MCUR1: variants seen among roughly 807,000 people sequenced by gnomAD.
MCUR1 encodes mitochondrial calcium uniporter regulator 1, also known as MCU regulator 1.
In MCUR1, 37 loss-of-function variants were observed where a neutral mutation model predicts 42.0. That is an observed-to-expected ratio of 0.88 (90% confidence interval 0.68 to 1.16). The LOEUF is 1.16. MCUR1 is among the 50% of genes most tolerant of loss of function. MCUR1 has a pLI of 0.00. For synonymous variants in MCUR1, 229 were observed against 196.2 expected, an observed-to-expected ratio of 1.17 and a Z score of -1.40; for missense variants, 469 against 468.4, an observed-to-expected ratio of 1.00 and a Z score of -0.01.
At chr6:13,793,238 C>CA (rs1759774948) in intron 7 of MCUR1, among the ~76,000 whole-genome samples, 1 of 151,540 alleles carries the variant, frequency 6.6e-6, no homozygotes, top group South Asian at 2.1e-4. Context: ...TTGTGAAGTG[C>CA]AAAAAATCCT....
Position 13,814,288 on chromosome 6 carries a change from C to A in MCUR1, c.142G>T (p.Gly48Cys), listed in dbSNP as rs962598053. 3.3e-6 allele frequency: 5 copies of A among 1,497,612 alleles called. No homozygotes were observed. The highest frequency in any genetic ancestry group is 4.4e-6 in the Non-Finnish European group (5 of 1,129,802). 92.8% of individuals were successfully genotyped at this position (1,497,612 alleles called of 1,614,324 possible). ...GCGCGAGGGCGCAGCGCCCCCAGAC[C>A]GTCGGAGAGCGCAGAGAGGCAGCGG... ...ARRCLSALSD[G>C]LGALRPRAPA... The change falls in exon 1 of 9, where the codon GGT becomes TGT. Residue 48 changes from glycine to cysteine, a missense_variant. Gly to Cys is a radical substitution (Grantham distance 159). Transcript: ENST00000379170.
chr6:13,793,820 T>A, intron 7 of MCUR1, 74 bp downstream of exon 7: 1 of 1,323,716 alleles, frequency 7.6e-7, no homozygotes, highest in Non-Finnish European at 1.1e-6. Context: ...CCTATTATCA[T>A]TACAAACAAC....
chr6:13,801,482 G>A, intron 3 of MCUR1, 93 bp from the exon 4 acceptor site: 1 of 803,080 alleles, frequency 1.2e-6, no homozygotes, highest in Non-Finnish European at 2.0e-6. Context: ...TGAGAAACCA[G>A]GACAATGTGG....
In MCUR1 at chr6:13,814,145, C is replaced by T; in HGVS notation, c.285G>A (p.Ser95=). 1 of 1,307,678 alleles carries T rather than the reference C, an allele frequency of 7.6e-7. No homozygotes were observed. The highest frequency in any genetic ancestry group is 9.7e-7 in the Non-Finnish European group (1 of 1,034,176). 81.0% of individuals were successfully genotyped at this position (1,307,678 alleles called of 1,614,324 possible). ...CCGGGGGTGCGGCATACCCGAGGCGCGAGCGCTCCCAGTCCCCGAGCTGCC... is the reference window on the plus strand; with the variant it reads ...CCGGGGGTGCGGCATACCCGAGGCGTGAGCGCTCCCAGTCCCCGAGCTGCC... The part of the protein sequence containing the change: ...PRRQLGDWER[S]RLGYAAPPAG... Residue 95 remains serine (S), a synonymous_variant, in exon 1 of 9, where the codon TCG becomes TCA. Coordinates refer to ENST00000379170, the MANE Select transcript of MCUR1 (RefSeq NM_001031713.4).
intron 1 of MCUR1, among the ~76,000 whole-genome samples, chr6:13,810,480 T>C (rs1760209737): frequency 1.3e-5 from 2 of 152,184 alleles, no homozygotes; most frequent in Admixed American, 6.5e-5. Flanking sequence ...AGAAGTCTGG[T>C]AGGAGCAAGA....
Position 13,788,857 on chromosome 6 carries a change from C to A in MCUR1, c.*1952G>T, listed in dbSNP as rs1190921836. On this transcript the variant is annotated 3_prime_UTR_variant, in exon 9 of 9. Coordinates refer to ENST00000379170, the MANE Select transcript of MCUR1 (RefSeq NM_001031713.4). ...TTTCATACTATATGGAGCTCACAATCTTTGGACTACACAAACATTCTCTAA... is the reference window on the plus strand; with the variant it reads ...TTTCATACTATATGGAGCTCACAATATTTGGACTACACAAACATTCTCTAA... The A allele has an allele frequency of 6.6e-6, 1 of 152,218 alleles. No homozygotes were observed. The highest frequency in any genetic ancestry group is 1.5e-5 in the Non-Finnish European group (1 of 68,050). 9.4% of individuals were successfully genotyped at this position (152,218 alleles called of 1,614,324 possible).
intron 6 of MCUR1, 62 bp from the exon 7 acceptor site, chr6:13,794,009 G>A (rs1584982899): frequency 6.7e-7 from 1 of 1,500,716 alleles, no homozygotes; most frequent in East Asian, 2.3e-5. Context: ...TCCTTCTCTG[G>A]TGCCTTAAAT....
intron 5 of MCUR1, 53 bp from the exon 6 acceptor site, chr6:13,798,957 ACT>A: frequency 9.1e-7 from 1 of 1,096,262 alleles, no homozygotes; most frequent in Non-Finnish European, 1.4e-6. Context: ...AGAAACCCAA[ACT>A]CTATGAGGAC....
In MCUR1 at chr6:13,788,847, A is replaced by G. The variant is rs1242845661; in HGVS notation, c.*1962T>C. The G allele has an allele frequency of 3.3e-5, 5 of 152,234 alleles. No individual in the cohort carries two copies. Among genetic ancestry groups the G allele is most frequent in the Non-Finnish European group, 7.3e-5 (5 of 68,046 alleles). 9.4% of individuals were successfully genotyped at this position (152,234 alleles called of 1,614,324 possible). A position where few individuals can be genotyped will look rare whatever the true frequency, so the allele number is the denominator to read the frequency against. ...AGTACTTGATTTTCATACTATATGG[A>G]GCTCACAATCTTTGGACTACACAAA... On this transcript the variant is annotated 3_prime_UTR_variant, in exon 9 of 9. Transcript: ENST00000379170.
At chr6:13,792,411 C>T (rs1204275254) in intron 7 of MCUR1, among the ~76,000 whole-genome samples, 1 of 152,174 alleles carries the variant, frequency 6.6e-6, no homozygotes, top group Non-Finnish European at 1.5e-5. Context: ...CAAAGATAGA[C>T]AGTAAACTCA....
intron 2 of MCUR1, among the ~76,000 whole-genome samples, chr6:13,804,790 C>CAA (rs971958696): frequency 0.028 from 1,433 of 50,286 alleles, 86 homozygotes; most frequent in African/African-American, 0.1. Flanking sequence ...ACTCTGTCTC[C>CAA]AAAAAAAAAA....
intron 1 of MCUR1, among the ~76,000 whole-genome samples, chr6:13,813,056 A>C (rs1240576014): frequency 6.6e-6 from 1 of 152,128 alleles, no homozygotes; most frequent in Non-Finnish European, 1.5e-5. Flanking sequence ...CGCAAATACC[A>C]TTGTGTTCAG....
At position 13,809,121 on chromosome 6, in the gene MCUR1, A is replaced by T. The variant is rs1431562958; in HGVS notation, c.416-2077T>A. 2.0e-5 allele frequency among the ~76,000 whole-genome samples: 3 copies of T among 152,120 alleles called. No individual in the cohort carries two copies. In the East Asian group the frequency reaches 5.8e-4, roughly 29 times the overall value. ...CTTGTATTTCCCTATGAATTTTAGG[A>T]TCTGTGTGTCAATTTCTACAAGAAA... On this transcript the variant is annotated intron_variant, in intron 1 of 8. Transcript: ENST00000379170.
intron 6 of MCUR1, among the ~76,000 whole-genome samples, chr6:13,794,269 C>T (rs1759805259): frequency 6.6e-6 from 1 of 152,080 alleles, no homozygotes; most frequent in Non-Finnish European, 1.5e-5. Context: ...CTTATTTATA[C>T]TTACTCATTC....
In MCUR1 at chr6:13,806,983, A is replaced by G; in HGVS notation, c.477T>C (p.Ser159=). The G allele has an allele frequency of 6.2e-7, 1 of 1,613,812 alleles. No homozygotes were observed. Among genetic ancestry groups the G allele is most frequent in the African/African-American group, 1.3e-5 (1 of 75,040 alleles). The part of the protein sequence containing the change: ...LERKRRDFTS[S]GSRKLYFDTH... Reference sequence around the variant, plus strand: ...TGTCGAAGTAGAGTTTCCTGCTCCCAGAAGAGGTGAAATCTCTCCTTTTGC... The same window carrying G: ...TGTCGAAGTAGAGTTTCCTGCTCCCGGAAGAGGTGAAATCTCTCCTTTTGC... The change falls in exon 2 of 9, where the codon TCT becomes TCC. Residue 159 remains serine, a synonymous_variant. Coordinates refer to ENST00000379170, the MANE Select transcript of MCUR1 (RefSeq NM_001031713.4).
intron 1 of MCUR1, among the ~76,000 whole-genome samples, chr6:13,807,435 G>A (rs9475494): frequency 0.39 from 59,375 of 151,920 alleles, 13,441 homozygotes; most frequent in Non-Finnish European, 0.5. Context: ...TTTGTGACTG[G>A]CTTCTTTCAC....
intron 1 of MCUR1, among the ~76,000 whole-genome samples, chr6:13,808,903 GTT>G (rs1371434122): frequency 1.3e-5 from 2 of 150,748 alleles, no homozygotes; most frequent in Non-Finnish European, 2.9e-5. Flanking sequence ...TTTTAAGTTT[GTT>G]TTAAGTTTGA....
intron 2 of MCUR1, among the ~76,000 whole-genome samples, chr6:13,804,790 CAAAA>C (rs971958696): frequency 2.0e-5 from 1 of 50,448 alleles, no homozygotes; most frequent in Non-Finnish European, 3.8e-5. Context: ...ACTCTGTCTC[CAAAA>C]AAAAAAAAAA....
intron 2 of MCUR1, 74 bp from the exon 3 acceptor site, chr6:13,802,420 G>C: frequency 8.5e-7 from 1 of 1,175,514 alleles, no homozygotes; most frequent in Non-Finnish European, 1.3e-6. Context: ...ACATTCATGT[G>C]AATGTCCAAA....
Sources: gnomAD v4.1 joint callset for allele counts (sites outside exome capture counted in the v4.1 genomes callset) on GRCh38, gnomAD v4.1.1 for gene constraint, MANE v1.5 for transcripts, NCBI Gene and HGNC (gene_info 2026-07-23, HGNC 2026-07-21) for gene names.